The following ITSN1 variants were observed in gnomAD, a reference collection of about 807,000 sequenced individuals.
ITSN1 encodes the protein intersectin-1.
In ITSN1, 58 loss-of-function variants were observed where a neutral mutation model predicts 239.8. The ratio of observed to expected loss-of-function variants is 0.24; its 90% CI spans 0.20 to 0.30. The LOEUF (loss-of-function observed/expected upper bound fraction) is 0.30. ITSN1 is among the 10% of genes least tolerant of loss of function. The pLI is 1.00. For synonymous variants in ITSN1, 780 were observed against 770.8 expected (o/e 1.01, Z -0.20); for missense variants, 1,558 against 2,103.3 (o/e 0.74, Z 5.07).
At chr21:33,800,317 A>G (rs2071885438) in intron 19 of ITSN1, among the ~76,000 whole-genome samples, 1 of 151,830 alleles carries the variant, frequency 6.6e-6, no homozygotes, top group Non-Finnish European at 1.5e-5. Context: ...ATGTGTATGT[A>G]TAATATATAC....
rs1035200900 is a variant in ITSN1 at position 33,898,007 on chromosome 21, G to C, written c.*9707G>C. ...TAGCTATGACCTCGCATGGGACCTTGGTGTTGCATTAAAAATGGATTTTTG... is the reference window on the plus strand; with the variant it reads ...TAGCTATGACCTCGCATGGGACCTTCGTGTTGCATTAAAAATGGATTTTTG... On this transcript the variant is annotated 3_prime_UTR_variant, in exon 40 of 40. Coordinates refer to ENST00000381318, the MANE Select transcript of ITSN1 (RefSeq NM_003024.3). The C allele has an allele frequency of 6.6e-6, 1 of 152,156 alleles. No individual in the cohort carries two copies. The highest frequency in any genetic ancestry group is 6.6e-5 in the Admixed American group (1 of 15,266). The allele number at this position is 152,156 out of a possible 1,614,324, so 9.4% of individuals were successfully genotyped here.
At chr21:33,773,284 A>G (rs1323466273) in intron 12 of ITSN1, among the ~76,000 whole-genome samples, 1 of 152,018 alleles carries the variant, frequency 6.6e-6, no homozygotes, top group East Asian at 1.9e-4. Flanking sequence ...CTGGGATTAC[A>G]GGCATGAGCC....
intron 1 of ITSN1, among the ~76,000 whole-genome samples, chr21:33,676,073 T>C (rs776845343): frequency 7.2e-5 from 11 of 152,080 alleles, no homozygotes; most frequent in South Asian, 4.1e-4. Flanking sequence ...TTGCTGTTGT[T>C]GCCCAGGCTG....
intron 33 of ITSN1, among the ~76,000 whole-genome samples, chr21:33,870,120 C>CT (rs1207481308): frequency 6.6e-6 from 1 of 152,184 alleles, no homozygotes; most frequent in East Asian, 1.9e-4. Context: ...CTCCTCAGTC[C>CT]AGCCCCAGCT....
At chr21:33,788,036 G>A (rs2070805678) in intron 16 of ITSN1, among the ~76,000 whole-genome samples, 1 of 152,016 alleles carries the variant, frequency 6.6e-6, no homozygotes, top group African/African-American at 2.4e-5. Context: ...AAGATAATTT[G>A]GGAAAGGGTT....
chr21:33,760,773 A>G (rs536994853), intron 8 of ITSN1, among the ~76,000 whole-genome samples: 69 of 152,278 alleles, frequency 4.5e-4, no homozygotes, highest in Admixed American at 2.9e-3. Flanking sequence ...AAACATATAC[A>G]CCAGAATCTT....
At chr21:33,837,925 C>T in intron 29 of ITSN1, 1 of 985,738 alleles carries the variant, frequency 1.0e-6, no homozygotes, top group African/African-American at 1.7e-5. Context: ...TTTTTAGTCT[C>T]TGTTACATGA....
At chr21:33,868,150 C>G (rs531416659) in intron 33 of ITSN1, among the ~76,000 whole-genome samples, 32 of 152,230 alleles carry the variant, frequency 2.1e-4, no homozygotes, top group Middle Eastern at 6.8e-3. Flanking sequence ...TGGTAGAGCC[C>G]AGTGGCCTGT....
chr21:33,782,981 C>T (rs570257908), intron 16 of ITSN1, among the ~76,000 whole-genome samples: 102 of 151,794 alleles, frequency 6.7e-4, no homozygotes, highest in Admixed American at 1.6e-3. Flanking sequence ...GCCAAGATCA[C>T]GCCACTGCAC....
rs759263424 is a variant in ITSN1, at chr21:33,838,361, C to T, written c.3661+1729C>T. 7.2e-5 allele frequency: 71 copies of T among 985,296 alleles called. No individual in the cohort carries two copies. In the South Asian group the frequency reaches 8.9e-4, roughly 12 times the overall value. 61.0% of individuals were successfully genotyped at this position (985,296 alleles called of 1,614,324 possible). A position where few individuals can be genotyped will look rare whatever the true frequency, so the allele number is the denominator to read the frequency against. ...GCAGAGAGCGAGGACCTCTCCTCCT[C>T]GTTCAGTTGCACTTCAGTATTTTCA... On this transcript the variant is annotated intron_variant, in intron 29 of 39. Coordinates refer to ENST00000381318, the MANE Select transcript of ITSN1 (RefSeq NM_003024.3).
chr21:33,829,411 G>A, intron 26 of ITSN1: 1 of 576,682 alleles, frequency 1.7e-6, no homozygotes, highest in Non-Finnish European at 3.1e-6. Context: ...GCCCACTGAG[G>A]GCTCAAGGAT....
chr21:33,790,553 T>A (rs2071039374), intron 16 of ITSN1, among the ~76,000 whole-genome samples: 1 of 152,086 alleles, frequency 6.6e-6, no homozygotes, highest in African/African-American at 2.4e-5. Context: ...TTAATATCCA[T>A]CCAAGAAACA....
At chr21:33,658,056 C>A (rs1245909817) in intron 1 of ITSN1, among the ~76,000 whole-genome samples, 1 of 152,106 alleles carries the variant, frequency 6.6e-6, no homozygotes, top group Non-Finnish European at 1.5e-5. Context: ...TGACCAGAAG[C>A]CTTACTGATA....
intron 1 of ITSN1, among the ~76,000 whole-genome samples, chr21:33,706,976 G>C (rs2092272705): frequency 1.3e-5 from 2 of 152,122 alleles, no homozygotes; most frequent in East Asian, 3.9e-4. Flanking sequence ...ACCCGCCTCG[G>C]CCTCCCAAAG....
intron 1 of ITSN1, among the ~76,000 whole-genome samples, chr21:33,654,003 C>T (rs1438151726): frequency 2.0e-5 from 3 of 151,854 alleles, no homozygotes; most frequent in Admixed American, 6.6e-5. Context: ...ATGCTTGTTA[C>T]CCTTTAATTC....
At chr21:33,823,678 CTCCCTT>C in intron 25 of ITSN1, 25 bp downstream of exon 25, 1 of 1,600,050 alleles carries the variant, frequency 6.2e-7, no homozygotes, top group South Asian at 1.1e-5. Flanking sequence ...ACTGTTTCCT[CTCCCTT>C]TCTGTGCGGT....
intron 12 of ITSN1, chr21:33,774,325 G>A (rs576975042): frequency 1.9e-5 from 3 of 156,522 alleles, no homozygotes; most frequent in African/African-American, 7.2e-5. Flanking sequence ...TCTTTTGGTG[G>A]AGTAAAATCA....
At chr21:33,781,616 TGTCCC>T (rs2147889182) in intron 15 of ITSN1, 68 bp downstream of exon 15, 1 of 907,154 alleles carries the variant, frequency 1.1e-6, no homozygotes, top group South Asian at 1.7e-5. Context: ...AGTCTCACTC[TGTCCC>T]CCAGGCTGGA....
intron 16 of ITSN1, among the ~76,000 whole-genome samples, chr21:33,785,728 G>A (rs2070610575): frequency 6.6e-6 from 1 of 152,108 alleles, no homozygotes; most frequent in Admixed American, 6.6e-5. Flanking sequence ...CTGTTAAATG[G>A]CTCCATATTC....
Sources: allele counts gnomAD v4.1 joint callset (sites outside exome capture counted in the v4.1 genomes callset), GRCh38; gene constraint gnomAD v4.1.1; transcripts MANE v1.5; gene names NCBI Gene and HGNC (gene_info 2026-07-23, HGNC 2026-07-21).